Variants in TSPAN12 observed in about 807,000 individuals in gnomAD.
TSPAN12 encodes the protein tetraspanin-12.
A neutral mutation model predicts 39.2 loss-of-function variants in TSPAN12; 19 were observed. The ratio of observed to expected loss-of-function variants is 0.49; its 90% CI spans 0.34 to 0.71. The LOEUF is 0.71. TSPAN12 is among the 30% of genes least tolerant of loss of function. The pLI is 0.01. For synonymous variants in TSPAN12, 119 were observed against 124.8 expected (o/e 0.95, Z 0.31); for missense variants, 314 against 359.9 (o/e 0.87, Z 1.03).
At chr7:120,842,170 C>A (rs555502933) in intron 2 of TSPAN12, among the ~76,000 whole-genome samples, 1 of 152,230 alleles carries the variant, frequency 6.6e-6, no homozygotes, top group Admixed American at 6.5e-5. Context: ...CAGCTGGTGG[C>A]CATGAAACGT....
At chr7:120,829,290 A>G in intron 4 of TSPAN12, among the ~76,000 whole-genome samples, 1 of 152,338 alleles carries the variant, frequency 6.6e-6, no homozygotes, top group South Asian at 2.1e-4. Flanking sequence ...TGAGTTTTTA[A>G]AATTTATATA....
chr7:120,822,040 T>C (rs989965575), intron 4 of TSPAN12, among the ~76,000 whole-genome samples: 15 of 152,278 alleles, frequency 9.9e-5, no homozygotes, highest in African/African-American at 3.1e-4. Flanking sequence ...TTGTCTGTTA[T>C]CTTAAACAAA....
rs150994625 is a variant in TSPAN12, at chr7:120,856,737, A to T, written c.27T>A (p.Cys9Ter). The T allele has an allele frequency of 6.2e-7, 1 of 1,614,114 alleles. No homozygotes were observed. Among genetic ancestry groups the T allele is most frequent in the African/African-American group, 1.3e-5 (1 of 74,950 alleles). ...TGAGGGCGTAGAGCAGGCAGCGCAG[A>T]CACTTCACGGAATCTTCTCTGGCCA... MAREDSVK[C>*]LRCLLYALNL... Residue 9 changes from cysteine (C) to a stop codon, truncating the protein, a stop_gained, in exon 2 of 8, where the codon TGT becomes TGA. Transcript: ENST00000222747. LOFTEE classifies it high-confidence loss of function.
chr7:120,792,758 AAC>A (rs1216011669), intron 7 of TSPAN12, among the ~76,000 whole-genome samples: 8 of 152,222 alleles, frequency 5.3e-5, no homozygotes, highest in African/African-American at 1.9e-4. Flanking sequence ...CCGACAAATA[AAC>A]ACAGCAAACG....
At chr7:120,798,933 C>G (rs1793687069) in intron 7 of TSPAN12, among the ~76,000 whole-genome samples, 1 of 152,168 alleles carries the variant, frequency 6.6e-6, no homozygotes, top group Admixed American at 6.6e-5. Flanking sequence ...TTGGTTATCT[C>G]AATCATAAAG....
chr7:120,824,436 A>G (rs2116416518), intron 4 of TSPAN12, among the ~76,000 whole-genome samples: 1 of 151,852 alleles, frequency 6.6e-6, no homozygotes, highest in South Asian at 2.1e-4. Flanking sequence ...GCGAGACTCC[A>G]TTTCAAAAAA....
intron 2 of TSPAN12, among the ~76,000 whole-genome samples, chr7:120,850,030 TC>T (rs1794741356): frequency 6.6e-6 from 1 of 152,214 alleles, no homozygotes; most frequent in Non-Finnish European, 1.5e-5. Context: ...CTTCTCAGCT[TC>T]CCTCTACCAG....
At chr7:120,850,043 G>C (rs1363426437) in intron 2 of TSPAN12, among the ~76,000 whole-genome samples, 2 of 152,186 alleles carry the variant, frequency 1.3e-5, no homozygotes. Flanking sequence ...CTCTACCAGG[G>C]GAAGGGCAGA....
chr7:120,815,750 C>G lies in TSPAN12; in HGVS notation c.339G>C (p.Trp113Cys). 1.9e-6 allele frequency: 3 copies of G among 1,612,592 alleles called. No individual in the cohort carries two copies. The highest frequency in any genetic ancestry group is 2.5e-6 in the Non-Finnish European group (3 of 1,179,482). Residue 113 changes from tryptophan (W) to cysteine (C), a missense_variant, in exon 5 of 8, where the codon TGG (tryptophan) becomes TGC (cysteine). By Grantham distance (215) the Trp-to-Cys change is radical. Transcript: ENST00000222747. Reference sequence around the variant, plus strand: ...TCACCATAAGTTCCTGTTCATATGTCCAAACGCCACAAGCCAGTTCTACAC... The same window carrying G: ...TCACCATAAGTTCCTGTTCATATGTGCAAACGCCACAAGCCAGTTCTACAC... ...IFCVELACGV[W>C]TYEQELMVPV...
At chr7:120,807,790 A>T (rs1054714822) in intron 6 of TSPAN12, among the ~76,000 whole-genome samples, 1 of 152,154 alleles carries the variant, frequency 6.6e-6, no homozygotes, top group Admixed American at 6.6e-5. Flanking sequence ...CAGAAAAAAA[A>T]ATCATCTTAA....
At chr7:120,817,892 C>A (rs1794115174) in intron 4 of TSPAN12, among the ~76,000 whole-genome samples, 1 of 152,102 alleles carries the variant, frequency 6.6e-6, no homozygotes, top group African/African-American at 2.4e-5. Context: ...TACATTCTTG[C>A]ATTCCTCATC....
At chr7:120,837,277 C>T (rs2116461330) in intron 4 of TSPAN12, among the ~76,000 whole-genome samples, 1 of 151,998 alleles carries the variant, frequency 6.6e-6, no homozygotes, top group Admixed American at 6.5e-5. Flanking sequence ...AGGCATGTTT[C>T]CCCATCTCTG....
chr7:120,811,886 T>C (rs1404720437), intron 5 of TSPAN12, among the ~76,000 whole-genome samples: 6 of 151,914 alleles, frequency 3.9e-5, no homozygotes, highest in Admixed American at 6.6e-5. Context: ...ACAATGGACT[T>C]TGGGGACTCG....
Position 120,788,704 on chromosome 7 carries a change from TGA to T in TSPAN12, c.804_805del (p.Gln269AlafsTer19), listed in dbSNP as rs1165091495. 1 of 1,614,168 alleles carries T rather than the reference TGA, an allele frequency of 6.2e-7. No homozygotes were observed. The highest frequency in any genetic ancestry group is 2.2e-5 in the East Asian group (1 of 44,868). ...TTCTACTGAGGGACATGACAGGTGC[TGA>T]GAGTTGTCATTCTTCAAGGACATCA... On this transcript the variant is annotated frameshift_variant, in exon 8 of 8. Coordinates refer to ENST00000222747, the MANE Select transcript of TSPAN12 (RefSeq NM_012338.4). LOFTEE classifies it high-confidence loss of function.
At chr7:120,845,493 G>A (rs1307941864) in intron 2 of TSPAN12, among the ~76,000 whole-genome samples, 2 of 152,050 alleles carry the variant, frequency 1.3e-5, no homozygotes, top group Non-Finnish European at 2.9e-5. Flanking sequence ...TTACATATAT[G>A]ACCATACATT....
At chr7:120,847,705 G>A (rs184269740) in intron 2 of TSPAN12, among the ~76,000 whole-genome samples, 1 of 152,026 alleles carries the variant, frequency 6.6e-6, no homozygotes, top group Non-Finnish European at 1.5e-5. Flanking sequence ...GCTAGTTCAG[G>A]CCTTCATCCT....
intron 4 of TSPAN12, among the ~76,000 whole-genome samples, chr7:120,827,508 T>C (rs964852963): frequency 2.0e-5 from 3 of 152,172 alleles, no homozygotes; most frequent in African/African-American, 7.2e-5. Context: ...AAATGATGTA[T>C]AAACAACGAT....
intron 7 of TSPAN12, among the ~76,000 whole-genome samples, chr7:120,797,570 G>A (rs1217699822): frequency 6.6e-6 from 1 of 152,186 alleles, no homozygotes; most frequent in East Asian, 1.9e-4. Context: ...AGCTCATATT[G>A]CCTCCTGGGT....
chr7:120,792,638 T>C (rs571136161), intron 7 of TSPAN12, among the ~76,000 whole-genome samples: 1 of 152,296 alleles, frequency 6.6e-6, no homozygotes, highest in South Asian at 2.1e-4. Flanking sequence ...TCTAAGGAAA[T>C]CTCTGTTCAT....
Sources: allele counts gnomAD v4.1 joint callset (sites outside exome capture counted in the v4.1 genomes callset), GRCh38; gene constraint gnomAD v4.1.1; transcripts MANE v1.5; gene names NCBI Gene and HGNC (gene_info 2026-07-23, HGNC 2026-07-21).